Variants in CRTC1 observed in about 807,000 individuals in gnomAD.
CRTC1 encodes CREB regulated transcription coactivator 1, also known as CREB-regulated transcription coactivator 1.
A neutral mutation model predicts 66.1 loss-of-function variants in CRTC1; 18 were observed. The ratio of observed to expected loss-of-function variants is 0.27; its 90% CI spans 0.19 to 0.40. The LOEUF (loss-of-function observed/expected upper bound fraction) is 0.40, where lower values mean the gene tolerates loss of function less well. CRTC1 is among the 10% of genes least tolerant of loss of function. The pLI is 1.00. For synonymous variants in CRTC1, 416 were observed against 398.8 expected (o/e 1.04, Z -0.51); for missense variants, 669 against 887.9 (o/e 0.75, Z 3.13).
chr19:18,709,372 G>T (rs2053337957), intron 1 of CRTC1, among the ~76,000 whole-genome samples: 1 of 152,160 alleles, frequency 6.6e-6, no homozygotes, highest in Non-Finnish European at 1.5e-5. Flanking sequence ...TCAGGCAGTG[G>T]GAGAAGGGCT....
intron 1 of CRTC1, among the ~76,000 whole-genome samples, chr19:18,710,977 C>T (rs900113837): frequency 7.9e-5 from 12 of 152,196 alleles, no homozygotes; most frequent in African/African-American, 2.9e-4. Flanking sequence ...CTTTCTTCAC[C>T]CTGTCCCACC....
intron 1 of CRTC1, 67 bp downstream of exon 1, chr19:18,683,895 C>T (rs1294010377): frequency 6.4e-6 from 2 of 314,088 alleles, no homozygotes; most frequent in Non-Finnish European, 4.2e-6. Flanking sequence ...GTGTCCGGCG[C>T]GTGCACGGGG....
In CRTC1 at chr19:18,778,878, T is replaced by A. The variant is rs982051791; in HGVS notation, c.*1496T>A. 12 of 230,900 alleles carry A rather than the reference T, an allele frequency of 5.2e-5. No homozygotes were observed. The Admixed American group carries it at 5.7e-4, about 11-fold the overall frequency. 14.3% of individuals were successfully genotyped at this position (230,900 alleles called of 1,614,324 possible). The stretch of plus-strand genomic sequence containing the variant: ...CCCACACCCCCTCTCTTGGGCAGCG[T>A]GGTCTGCTGGCTGCCCCTTCTTGGC... On this transcript the variant is annotated 3_prime_UTR_variant, in exon 14 of 14. Transcript: ENST00000321949.
At chr19:18,753,628 C>G (rs2054420643) in intron 6 of CRTC1, 43 bp downstream of exon 6, 14 of 1,468,480 alleles carry the variant, frequency 9.5e-6, no homozygotes, top group Non-Finnish European at 1.1e-5. Flanking sequence ...TCTTCTTTCT[C>G]TTCTCAAGCA....
intron 9 of CRTC1, among the ~76,000 whole-genome samples, chr19:18,766,287 A>ATTTTTTTTTTTTTTT: frequency 9.1e-6 from 1 of 109,680 alleles, no homozygotes; most frequent in Non-Finnish European, 1.8e-5. Flanking sequence ...TGCCTGGCTA[A>ATTTTTTTTTTTTTTT]TTTTTTTTTT....
chr19:18,765,250 G>A (rs926049688), intron 8 of CRTC1, among the ~76,000 whole-genome samples, 154 bp from the exon 9 acceptor site: 18 of 152,218 alleles, frequency 1.2e-4, no homozygotes, highest in Non-Finnish European at 1.8e-4. Context: ...CAGGGCCTTC[G>A]GGGGGTGCCC....
At chr19:18,702,110 A>G (rs1026631349) in intron 1 of CRTC1, among the ~76,000 whole-genome samples, 1 of 150,734 alleles carries the variant, frequency 6.6e-6, no homozygotes, top group Admixed American at 6.6e-5. Flanking sequence ...GTTAATAGAG[A>G]TGGGGTTTCT....
At position 18,728,815 on chromosome 19, in the gene CRTC1, C is replaced by CTTTTTTTTTTTTTT. The variant is rs35465891; in HGVS notation, c.127-14093_127-14080dup. ...ACAGGTGTGAGCCACCTCACCTGGC[C>CTTTTTTTTTTTTTT]TTTTTTTTTTTTTTTGAGACAGAGT... is the stretch of plus-strand genomic sequence containing the variant. On this transcript the variant is annotated intron_variant, in intron 1 of 13. Coordinates refer to ENST00000321949, the MANE Select transcript of CRTC1 (RefSeq NM_015321.3). 4.0e-4 allele frequency among the ~76,000 whole-genome samples: 32 copies of CTTTTTTTTTTTTTT among 79,376 alleles called. 4 individuals carry two copies. Among genetic ancestry groups the CTTTTTTTTTTTTTT allele is most frequent in the African/African-American group, 1.6e-3 (27 of 16,936 alleles). The allele number at this position is 79,376 out of a possible 152,430, so 52.1% of individuals were successfully genotyped here.
At chr19:18,723,688 C>G (rs947680578) in intron 1 of CRTC1, among the ~76,000 whole-genome samples, 2 of 152,182 alleles carry the variant, frequency 1.3e-5, no homozygotes, top group Admixed American at 6.5e-5. Flanking sequence ...GGTATTTCTG[C>G]CTGATTGCCA....
chr19:18,693,853 G>T (rs2052915602), intron 1 of CRTC1, among the ~76,000 whole-genome samples: 1 of 151,998 alleles, frequency 6.6e-6, no homozygotes, highest in Non-Finnish European at 1.5e-5. Context: ...GCCTGGGCTG[G>T]GTGGGCACAG....
chr19:18,740,337 T>C (rs1028806412), intron 1 of CRTC1, among the ~76,000 whole-genome samples: 1 of 151,686 alleles, frequency 6.6e-6, no homozygotes, highest in African/African-American at 2.4e-5. Context: ...CAGCCCCTCA[T>C]GTGAACAGTG....
chr19:18,697,692 G>A (rs1220068537), intron 1 of CRTC1, among the ~76,000 whole-genome samples: 3 of 152,218 alleles, frequency 2.0e-5, no homozygotes, highest in Non-Finnish European at 2.9e-5. Context: ...ATGGTGAGAC[G>A]TGAATGTGAA....
chr19:18,751,384 AG>A (rs2054359795), intron 5 of CRTC1, among the ~76,000 whole-genome samples: 6 of 151,848 alleles, frequency 4.0e-5, no homozygotes, highest in Non-Finnish European at 7.4e-5. Context: ...ATTAACTGGG[AG>A]TGTTTGCACG....
chr19:18,725,029 G>A (rs1200373873), intron 1 of CRTC1, among the ~76,000 whole-genome samples: 1 of 151,976 alleles, frequency 6.6e-6, no homozygotes, highest in Non-Finnish European at 1.5e-5. Context: ...CTGTTGGTCC[G>A]TCCCTTGGAC....
At chr19:18,722,035 C>T (rs549892124) in intron 1 of CRTC1, among the ~76,000 whole-genome samples, 11 of 152,338 alleles carry the variant, frequency 7.2e-5, no homozygotes, top group Admixed American at 6.5e-4. Flanking sequence ...GGGGTCTCAG[C>T]AGAGGCCGGA....
At chr19:18,718,274 C>T (rs1368411426) in intron 1 of CRTC1, among the ~76,000 whole-genome samples, 1 of 152,130 alleles carries the variant, frequency 6.6e-6, no homozygotes, top group African/African-American at 2.4e-5. Flanking sequence ...TACCTGGCTT[C>T]TCTCACTCAG....
chr19:18,718,563 A>G (rs1267018004), intron 1 of CRTC1, among the ~76,000 whole-genome samples: 9 of 150,960 alleles, frequency 6.0e-5, no homozygotes, highest in Admixed American at 3.3e-4. Context: ...GGCTGCTCTC[A>G]AACTCCTGGC....
chr19:18,719,103 G>A (rs190652838), intron 1 of CRTC1, among the ~76,000 whole-genome samples: 6 of 152,268 alleles, frequency 3.9e-5, no homozygotes, highest in Admixed American at 3.3e-4. Flanking sequence ...GAGCTGCTGG[G>A]AAGTGATCAT....
chr19:18,767,412 T>G (rs568283939), intron 9 of CRTC1, among the ~76,000 whole-genome samples: 1 of 152,280 alleles, frequency 6.6e-6, no homozygotes, highest in East Asian at 1.9e-4. Flanking sequence ...TTGACCAGGC[T>G]GGTCTCAAAC....
Sources: allele counts gnomAD v4.1 joint callset (sites outside exome capture counted in the v4.1 genomes callset), GRCh38; gene constraint gnomAD v4.1.1; transcripts MANE v1.5; gene names NCBI Gene and HGNC (gene_info 2026-07-23, HGNC 2026-07-21).